MCM10: variants seen among roughly 807,000 people sequenced by gnomAD.
The protein encoded by MCM10 is protein MCM10 homolog.
A neutral mutation model predicts 109.9 loss-of-function variants in MCM10; 91 were observed. The ratio of observed to expected loss-of-function variants is 0.83; its 90% CI spans 0.70 to 0.99. MCM10 has a LOEUF of 0.99. MCM10 is among the 50% of genes least tolerant of loss of function. MCM10 has a pLI of 0.00. For missense variants in MCM10, 1,077 were observed against 1,061.2 expected (o/e 1.01, Z -0.21); for synonymous variants, 380 against 387.2 (o/e 0.98, Z 0.22).
chr10:13,197,612 C>T lies in MCM10; in HGVS notation c.1975-11C>T. 5.0e-6 allele frequency: 8 copies of T among 1,608,958 alleles called. No individual in the cohort carries two copies. The highest frequency in any genetic ancestry group is 6.8e-6 in the Non-Finnish European group (8 of 1,178,672). Reference sequence around the variant, plus strand: ...TAGATCTTTACCTCCCTCTCATTCCCTTTTTTCTAGTTAGCTGCTATCACC... The same window carrying T: ...TAGATCTTTACCTCCCTCTCATTCCTTTTTTTCTAGTTAGCTGCTATCACC... On this transcript the variant is annotated splice_polypyrimidine_tract_variant and intron_variant, in intron 14 of 19. Coordinates refer to ENST00000378714, the MANE Select transcript of MCM10 (RefSeq NM_018518.5).
chr10:13,191,868 G>A (rs187115682), intron 11 of MCM10, among the ~76,000 whole-genome samples: 25 of 152,082 alleles, frequency 1.6e-4, no homozygotes, highest in Non-Finnish European at 2.1e-4. Flanking sequence ...TTGTTAAAAT[G>A]GGTCTTGGTC....
chr10:13,200,971 C>T (rs769240537), intron 16 of MCM10, among the ~76,000 whole-genome samples: 1 of 152,040 alleles, frequency 6.6e-6, no homozygotes, highest in Non-Finnish European at 1.5e-5. Context: ...AGGGTGAAAC[C>T]CCATCTCTAC....
chr10:13,175,981 T>C (rs1406900348), intron 6 of MCM10, among the ~76,000 whole-genome samples: 1 of 152,220 alleles, frequency 6.6e-6, no homozygotes, highest in African/African-American at 2.4e-5. Context: ...AAATAGTAGA[T>C]TTTTAAAATT....
At chr10:13,189,103 T>C in intron 10 of MCM10, 23 bp downstream of exon 10, 1 of 1,613,774 alleles carries the variant, frequency 6.2e-7, no homozygotes, top group Non-Finnish European at 8.5e-7. Context: ...CGGGCTTCTT[T>C]TGGGCAGAGG....
At chr10:13,195,346 T>C (rs1237229980) in intron 14 of MCM10, 77 bp downstream of exon 14, 15 of 1,036,386 alleles carry the variant, frequency 1.4e-5, no homozygotes, top group African/African-American at 6.4e-5. Context: ...AGACACCTAA[T>C]AGCTCTTTAT....
rs913027962 is a variant in MCM10, at chr10:13,161,599, G to C, written c.-83G>C. The C allele has an allele frequency of 5.3e-5, 8 of 152,372 alleles. No individual in the cohort carries two copies. The highest frequency in any genetic ancestry group is 1.0e-4 in the Non-Finnish European group (7 of 68,156). The allele number at this position is 152,372 out of a possible 1,614,324, so 9.4% of individuals were successfully genotyped here. A position where few individuals can be genotyped will look rare whatever the true frequency, so the allele number is the denominator to read the frequency against. Reference sequence around the variant, plus strand: ...CAGCTGTGAACGAAGAAGGCGTCCCGGCATCGGGTGAGGAGCGCGGGCCCC... The same window carrying C: ...CAGCTGTGAACGAAGAAGGCGTCCCCGCATCGGGTGAGGAGCGCGGGCCCC... On this transcript the variant is annotated 5_prime_UTR_variant, in exon 1 of 20. Coordinates refer to ENST00000378714, the MANE Select transcript of MCM10 (RefSeq NM_018518.5).
intron 7 of MCM10, among the ~76,000 whole-genome samples, chr10:13,180,915 G>A (rs1488293989): frequency 6.6e-6 from 1 of 152,212 alleles, no homozygotes; most frequent in Non-Finnish European, 1.5e-5. Context: ...CTCTCCCATG[G>A]AGGAGAGGCG....
chr10:13,189,135 A>G (rs1834315144), intron 10 of MCM10, 55 bp downstream of exon 10: 1 of 1,571,896 alleles, frequency 6.4e-7, no homozygotes, highest in South Asian at 1.1e-5. Context: ...CAAAGACTAA[A>G]CCTACTGGTT....
chr10:13,189,030 A>G lies in MCM10; in HGVS notation c.1365A>G (p.Gln455=). The G allele has an allele frequency of 1.2e-6, 2 of 1,614,262 alleles. No homozygotes were observed. Among genetic ancestry groups the G allele is most frequent in the South Asian group, 1.1e-5 (1 of 91,086 alleles). The change falls in exon 10 of 20, where the codon CAA becomes CAG. Residue 455 remains glutamine, a synonymous_variant. Coordinates refer to ENST00000378714, the MANE Select transcript of MCM10 (RefSeq NM_018518.5). The part of the protein sequence containing the change: ...RGTSLKERLC[Q]DGFYYGGVSS... ...CCAGCCTCAAAGAACGGCTGTGCCA[A>G]GATGGCTTTTACTACGGAGGGGTTT...
At chr10:13,162,895 C>G (rs765511476) in intron 1 of MCM10, among the ~76,000 whole-genome samples, 1 of 152,076 alleles carries the variant, frequency 6.6e-6, no homozygotes, top group African/African-American at 2.4e-5. Flanking sequence ...CTGGCTAATA[C>G]GGTGAAACCC....
intron 13 of MCM10, among the ~76,000 whole-genome samples, chr10:13,194,585 C>T (rs944615851): frequency 1.3e-5 from 2 of 152,094 alleles, no homozygotes; most frequent in Admixed American, 1.3e-4. Context: ...AAAATAATCG[C>T]TGCAAGTTAC....
intron 16 of MCM10, among the ~76,000 whole-genome samples, chr10:13,200,151 G>T (rs984060839): frequency 1.3e-5 from 2 of 152,018 alleles, no homozygotes; most frequent in African/African-American, 4.8e-5. Context: ...TAGAGACAGG[G>T]TTTATCTAGT....
intron 8 of MCM10, among the ~76,000 whole-genome samples, chr10:13,185,953 G>A (rs898622551): frequency 1.3e-5 from 2 of 152,106 alleles, no homozygotes; most frequent in African/African-American, 4.8e-5. Context: ...GTAGAGACAG[G>A]GTTTTGCCAC....
intron 13 of MCM10, among the ~76,000 whole-genome samples, chr10:13,193,335 G>C (rs1279886302): frequency 1.3e-5 from 2 of 152,000 alleles, no homozygotes; most frequent in Non-Finnish European, 2.9e-5. Flanking sequence ...GAAATGCATA[G>C]GGTAGGTGGA....
chr10:13,181,308 T>C (rs11258234), intron 7 of MCM10, among the ~76,000 whole-genome samples: 40,307 of 152,172 alleles, frequency 0.26, 5,751 homozygotes, highest in East Asian at 0.38. Flanking sequence ...TCAATCATGA[T>C]GTTATTCTCT....
chr10:13,203,834 A>C (rs556421339), intron 17 of MCM10, among the ~76,000 whole-genome samples: 2 of 152,306 alleles, frequency 1.3e-5, no homozygotes, highest in African/African-American at 4.8e-5. Flanking sequence ...AATAGATCCC[A>C]AGCCTCAGCA....
chr10:13,166,433 C>T (rs903974492), intron 2 of MCM10, among the ~76,000 whole-genome samples: 3 of 151,750 alleles, frequency 2.0e-5, no homozygotes, highest in African/African-American at 4.9e-5. Flanking sequence ...GTCAGGAGTT[C>T]GAGACCAGCC....
At position 13,172,094 on chromosome 10, in the gene MCM10, T is replaced by C. The variant is rs1208490591; in HGVS notation, c.350-282T>C. On this transcript the variant is annotated intron_variant, in intron 3 of 19. Coordinates refer to ENST00000378714, the MANE Select transcript of MCM10 (RefSeq NM_018518.5). This position sits in a 1 kb window ranked among gnomAD's most constrained non-coding sequence, Gnocchi z 5.2. Reference sequence around the variant, plus strand: ...TGGCCTATAATTATTTCTCAACTCCTAAAAACTTGTTAACTGTGGATTTTA... The same window carrying C: ...TGGCCTATAATTATTTCTCAACTCCCAAAAACTTGTTAACTGTGGATTTTA... Among the ~76,000 whole-genome samples, 1 of 152,110 alleles carries C rather than the reference T, an allele frequency of 6.6e-6. No homozygotes were observed. Among genetic ancestry groups the C allele is most frequent in the African/African-American group, 2.4e-5 (1 of 41,436 alleles).
intron 7 of MCM10, 127 bp downstream of exon 7, chr10:13,180,734 C>A: frequency 9.4e-7 from 1 of 1,063,792 alleles, no homozygotes; most frequent in Non-Finnish European, 1.4e-6. Context: ...GTTCCAGAAT[C>A]ACCACACATC....
Sources: gnomAD v4.1 joint callset for allele counts (sites outside exome capture counted in the v4.1 genomes callset) on GRCh38, gnomAD v4.1.1 for gene constraint, Gnocchi (gnomAD v3.1) non-coding constraint, MANE v1.5 for transcripts, NCBI Gene and HGNC (gene_info 2026-07-23, HGNC 2026-07-21) for gene names.